ATG7: variants seen among roughly 807,000 people sequenced by gnomAD.
ATG7 encodes ubiquitin-like modifier-activating enzyme ATG7.
In ATG7, 70 loss-of-function variants were observed where a neutral mutation model predicts 82.4. The ratio of observed to expected loss-of-function variants is 0.85; its 90% CI spans 0.70 to 1.04. The LOEUF (loss-of-function observed/expected upper bound fraction) is 1.04, where lower values mean the gene tolerates loss of function less well. Ranked by LOEUF, ATG7 falls within the 50% of genes least tolerant of loss-of-function variation. ATG7 has a pLI of 0.00. For synonymous variants in ATG7, 287 were observed against 313.0 expected, an observed-to-expected ratio of 0.92 and a Z score of 0.88; for missense variants, 792 against 864.3, an observed-to-expected ratio of 0.92 and a Z score of 1.05.
intron 20 of ATG7, among the ~76,000 whole-genome samples, chr3:11,428,216 G>A (rs182113283): frequency 1.3e-5 from 2 of 152,166 alleles, no homozygotes; most frequent in East Asian, 3.9e-4. Flanking sequence ...TCCTCCATAG[G>A]TTGCATATCC....
At chr3:11,513,201 G>A (rs1055572460) in intron 20 of ATG7, among the ~76,000 whole-genome samples, 16 of 152,246 alleles carry the variant, frequency 1.1e-4, no homozygotes, top group African/African-American at 9.6e-5. Context: ...ATCCCGCACC[G>A]GGGCTGCAGG....
intron 20 of ATG7, among the ~76,000 whole-genome samples, chr3:11,542,921 C>A (rs2070954613): frequency 6.6e-6 from 1 of 152,176 alleles, no homozygotes; most frequent in Non-Finnish European, 1.5e-5. Context: ...TTGTCAGTTG[C>A]AGCCCTGAGC....
intron 20 of ATG7, among the ~76,000 whole-genome samples, chr3:11,504,049 T>G (rs752374970): frequency 6.6e-6 from 1 of 152,086 alleles, no homozygotes; most frequent in Non-Finnish European, 1.5e-5. Context: ...AATGTCTCCA[T>G]TGAGAGAGTC....
chr3:11,496,496 G>T (rs1420119138), intron 20 of ATG7, among the ~76,000 whole-genome samples: 1 of 152,118 alleles, frequency 6.6e-6, no homozygotes, highest in Non-Finnish European at 1.5e-5. Flanking sequence ...ATACCAAGTT[G>T]CTCTTCTCTG....
chr3:11,327,648 G>C (rs937449156), intron 9 of ATG7, among the ~76,000 whole-genome samples: 4 of 152,194 alleles, frequency 2.6e-5, no homozygotes, highest in Non-Finnish European at 5.9e-5. Context: ...AAAATGACCA[G>C]TACTCAAGCC....
At chr3:11,559,413 T>C (rs1220825139), downstream of ATG7, 2 of 1,563,062 alleles carry the variant, frequency 1.3e-6, no homozygotes, top group Admixed American at 3.8e-5. Context: ...AGGTTGCAGT[T>C]GCGGGCGCCA....
At chr3:11,310,394 C>T (rs1390077826) in intron 7 of ATG7, among the ~76,000 whole-genome samples, 1 of 152,096 alleles carries the variant, frequency 6.6e-6, no homozygotes, top group Non-Finnish European at 1.5e-5. Flanking sequence ...GACCTCCCAC[C>T]GTTCCTCCTA....
At chr3:11,531,931 G>A (rs1428820345) in intron 20 of ATG7, among the ~76,000 whole-genome samples, 2 of 150,824 alleles carry the variant, frequency 1.3e-5, no homozygotes, top group Non-Finnish European at 2.9e-5. Flanking sequence ...TGCTTACTGT[G>A]TGCCAAGCAC....
chr3:11,291,203 TCA>T (rs1944933140), intron 3 of ATG7, among the ~76,000 whole-genome samples: 1 of 152,240 alleles, frequency 6.6e-6, no homozygotes, highest in African/African-American at 2.4e-5. Flanking sequence ...TGATGATCTG[TCA>T]CACAGAGGAT....
chr3:11,447,342 C>T (rs2084665306), intron 20 of ATG7, among the ~76,000 whole-genome samples: 1 of 151,950 alleles, frequency 6.6e-6, no homozygotes, highest in Non-Finnish European at 1.5e-5. Flanking sequence ...TGGCAGGCAT[C>T]TGTAATCCCA....
At position 11,442,739 on chromosome 3, in the gene ATG7, C is replaced by CCAAAAAAAAAAA. The variant is rs1553668928; in HGVS notation, c.2079+15813_2079+15814insCAAAAAAAAAAA. Among the ~76,000 whole-genome samples the CCAAAAAAAAAAA allele has an allele frequency of 8.7e-3, 601 of 69,244 alleles. 157 individuals carry two copies. Among genetic ancestry groups the CCAAAAAAAAAAA allele is most frequent in the South Asian group, 0.014 (21 of 1,484 alleles). 45.4% of individuals were successfully genotyped at this position (69,244 alleles called of 152,430 possible). On this transcript the variant is annotated intron_variant, in intron 20 of 20. Transcript: ENST00000693202. ...GCAGCATAGTGAGACTCCATCTCTACAAAAAAAAAAAAAAAAAAAAAAAAA... is the reference window on the plus strand; with the variant it reads ...GCAGCATAGTGAGACTCCATCTCTACCAAAAAAAAAAAAAAAAAAAAAAAAAAAAAAAAAAAA...
At chr3:11,378,830 T>C (rs901437533) in intron 18 of ATG7, among the ~76,000 whole-genome samples, 19 of 152,078 alleles carry the variant, frequency 1.2e-4, no homozygotes, top group African/African-American at 4.6e-4. Context: ...AGAAGCCTTT[T>C]TCTTTAAATA....
intron 20 of ATG7, among the ~76,000 whole-genome samples, chr3:11,535,139 T>G (rs1463493721): frequency 6.6e-6 from 1 of 152,246 alleles, no homozygotes; most frequent in African/African-American, 2.4e-5. Flanking sequence ...GGCTGACATT[T>G]CTGCTGGAAT....
Position 11,350,541 on chromosome 3 carries a change from G to A in ATG7, c.1284+2506G>A, listed in dbSNP as rs548231642. 3.5e-4 allele frequency among the ~76,000 whole-genome samples: 54 copies of A among 152,226 alleles called. No homozygotes were observed. In the South Asian group the frequency reaches 5.0e-3, roughly 14 times the overall value. On this transcript the variant is annotated intron_variant, in intron 14 of 20. Coordinates refer to ENST00000693202, the MANE Select transcript of ATG7 (RefSeq NM_001349232.2). ...GGCTAAAGGAGGAACAGTCATGTGG[G>A]TCCTACTCTTCCTATGGTGGAAGGT...
intron 11 of ATG7, among the ~76,000 whole-genome samples, chr3:11,334,531 A>G (rs1454515991): frequency 6.6e-6 from 1 of 151,580 alleles, no homozygotes; most frequent in East Asian, 2.0e-4. Flanking sequence ...GGCATGAGTC[A>G]CTGAGCCTGG....
chr3:11,511,898 C>T (rs1220539695), intron 20 of ATG7, among the ~76,000 whole-genome samples: 2 of 152,158 alleles, frequency 1.3e-5, no homozygotes, highest in Non-Finnish European at 2.9e-5. Flanking sequence ...GAATGCGGGG[C>T]CCACCAAGCC....
chr3:11,415,645 A>T (rs2081309334), intron 19 of ATG7, among the ~76,000 whole-genome samples: 1 of 152,168 alleles, frequency 6.6e-6, no homozygotes, highest in South Asian at 2.1e-4. Flanking sequence ...GATCATCAGT[A>T]TCACTGCCTT....
At chr3:11,330,628 A>G (rs1951512711) in intron 9 of ATG7, among the ~76,000 whole-genome samples, 2 of 152,132 alleles carry the variant, frequency 1.3e-5, no homozygotes, top group Admixed American at 1.3e-4. Context: ...ATTTTCTTGG[A>G]GAATGGTATT....
At chr3:11,496,982 G>T (rs1005828048) in intron 20 of ATG7, among the ~76,000 whole-genome samples, 1 of 151,838 alleles carries the variant, frequency 6.6e-6, no homozygotes, top group African/African-American at 2.4e-5. Flanking sequence ...CTCCTGAGGA[G>T]CTGGGATTAC....
Sources: allele counts gnomAD v4.1 joint callset (sites outside exome capture counted in the v4.1 genomes callset), GRCh38; gene constraint gnomAD v4.1.1; transcripts MANE v1.5; gene names NCBI Gene and HGNC (gene_info 2026-07-23, HGNC 2026-07-21).